TENM1: variants seen among roughly 807,000 people sequenced by gnomAD.
TENM1 encodes teneurin transmembrane protein 1.
A neutral mutation model predicts 174.8 loss-of-function variants in TENM1; 35 were observed. The observed-to-expected ratio is 0.20, with a 90% CI of 0.15 to 0.27. The LOEUF is 0.27. Among genes scored for constraint, TENM1 ranks in the 10% least tolerant of loss-of-function variants. The pLI, the probability that TENM1 is intolerant of heterozygous loss-of-function variation, is 1.00. For synonymous variants in TENM1, 781 were observed against 798.7 expected (o/e 0.98, Z 0.37); for missense variants, 1,633 against 2,130.1 (o/e 0.77, Z 4.59).
At chrX:124,554,095 C>G (rs759658325) in intron 14 of TENM1, among the ~76,000 whole-genome samples, 43 of 111,001 alleles carry the variant, frequency 3.9e-4, no homozygotes, top group African/African-American at 1.3e-3. Context: ...GGTGACAGAG[C>G]GAGACTCCAT....
At chrX:124,575,237 T>C (rs1489365065) in intron 11 of TENM1, among the ~76,000 whole-genome samples, 1 of 112,078 alleles carries the variant, frequency 8.9e-6, no homozygotes, top group African/African-American at 3.2e-5. Context: ...GGGATAAGTA[T>C]CACGTTTTCT....
chrX:124,924,276 C>T (rs2058062550), intron 1 of TENM1, among the ~76,000 whole-genome samples: 1 of 111,320 alleles, frequency 9.0e-6, no homozygotes, highest in Admixed American at 9.6e-5. Context: ...GTTATAATGC[C>T]CCATTTCTCA....
intron 26 of TENM1, among the ~76,000 whole-genome samples, chrX:124,405,630 A>G (rs970440430): frequency 4.5e-5 from 5 of 110,919 alleles, no homozygotes; most frequent in Admixed American, 1.9e-4. Context: ...GTGAAGTTCA[A>G]CGTAGCACCT....
At chrX:124,877,334 T>C (rs1352922377) in intron 3 of TENM1, among the ~76,000 whole-genome samples, 2 of 112,243 alleles carry the variant, frequency 1.8e-5, no homozygotes, top group Admixed American at 9.5e-5. Context: ...TGGTAAGTAA[T>C]GATATTCTGC....
At position 124,593,951 on chromosome X, in the gene TENM1, G is replaced by C. The variant is rs144320714; in HGVS notation, c.2078-28391C>G. 4.9e-3 allele frequency among the ~76,000 whole-genome samples: 548 copies of C among 112,319 alleles called. 2 individuals are homozygous for C. Among genetic ancestry groups the C allele is most frequent in the African/African-American group, 0.017 (511 of 30,927 alleles). ...TCTCTGGCCTGAGGCTAAAATGCTTGTGTGGCCACACTTCTAGGTTGCCAA... is the reference window on the plus strand; with the variant it reads ...TCTCTGGCCTGAGGCTAAAATGCTTCTGTGGCCACACTTCTAGGTTGCCAA... On this transcript the variant is annotated intron_variant, in intron 11 of 31. Coordinates refer to ENST00000422452, the Ensembl canonical transcript of TENM1.
chrX:124,725,469 T>G (rs1475938757), intron 4 of TENM1, among the ~76,000 whole-genome samples: 2 of 112,214 alleles, frequency 1.8e-5, no homozygotes, highest in African/African-American at 3.2e-5. Flanking sequence ...ATCACACCAA[T>G]TTTTTAAACA....
chrX:124,637,105 T>G (rs1444739784), intron 11 of TENM1, among the ~76,000 whole-genome samples: 2 of 108,993 alleles, frequency 1.8e-5, no homozygotes, highest in African/African-American at 6.7e-5. Context: ...TTTTTTTTTT[T>G]TGTGACGGAG....
chrX:124,938,471 T>C (rs1477233719), intron 1 of TENM1, among the ~76,000 whole-genome samples: 1 of 111,975 alleles, frequency 8.9e-6, no homozygotes, highest in Admixed American at 9.5e-5. Flanking sequence ...AAGCCTGTGA[T>C]ATGTGGAGAC....
the TENM1 span, among the ~76,000 whole-genome samples, chrX:125,122,833 T>A: frequency 1.5e-5 from 1 of 66,353 alleles, no homozygotes; most frequent in African/African-American, 4.1e-5. Flanking sequence ...GAAGGGTTAT[T>A]ATTTTTAATT....
intron 18 of TENM1, among the ~76,000 whole-genome samples, chrX:124,505,255 A>G (rs188464729): frequency 7.1e-5 from 8 of 112,460 alleles, no homozygotes; most frequent in African/African-American, 2.3e-4. Context: ...CAGCTGGTAA[A>G]GACTCATGAA....
the TENM1 span, among the ~76,000 whole-genome samples, chrX:125,016,921 CA>C: frequency 9.0e-6 from 1 of 111,503 alleles, no homozygotes; most frequent in Non-Finnish European, 1.9e-5. Context: ...ACATCTACAA[CA>C]ATCTGATCTT....
intron 5 of TENM1, among the ~76,000 whole-genome samples, chrX:124,686,307 C>A (rs139500630): frequency 0.014 from 1,540 of 111,475 alleles, 35 homozygotes; most frequent in African/African-American, 0.048. Flanking sequence ...CAAACAAAAG[C>A]TAAGGGAATT....
At chrX:124,989,663 A>G in the TENM1 span, among the ~76,000 whole-genome samples, 1 of 111,245 alleles carries the variant, frequency 9.0e-6, no homozygotes, top group East Asian at 2.8e-4. Flanking sequence ...GTGTAATAAA[A>G]GATAAATAGA....
intron 23 of TENM1, among the ~76,000 whole-genome samples, chrX:124,434,718 A>C (rs1346715162): frequency 6.2e-5 from 7 of 112,401 alleles, no homozygotes; most frequent in African/African-American, 2.3e-4. Context: ...CCAGTGTGAA[A>C]ACTACAGAAT....
chrX:124,860,313 A>G (rs928637149), intron 3 of TENM1, among the ~76,000 whole-genome samples: 1 of 111,859 alleles, frequency 8.9e-6, no homozygotes, highest in Non-Finnish European at 1.9e-5. Context: ...TCAAATGTAC[A>G]ATGGAAGAGA....
At chrX:125,134,928 A>G in the TENM1 span, among the ~76,000 whole-genome samples, 1 of 111,369 alleles carries the variant, frequency 9.0e-6, no homozygotes. Flanking sequence ...ACTCTAAACT[A>G]ACAGGGTGGT....
chrX:124,687,554 TGCAACAAAA>T (rs2052398116), intron 5 of TENM1, among the ~76,000 whole-genome samples: 1 of 111,942 alleles, frequency 8.9e-6, no homozygotes, highest in Admixed American at 9.5e-5. Context: ...CAAAAGCAAT[TGCAACAAAA>T]GCTAAAATTG....
At chrX:124,928,720 T>G (rs1202423306) in intron 1 of TENM1, among the ~76,000 whole-genome samples, 3 of 111,577 alleles carry the variant, frequency 2.7e-5, no homozygotes, top group Non-Finnish European at 3.8e-5. Context: ...AGGGTGAAAT[T>G]GAAGTTAAAT....
rs959447875 is a variant in TENM1, at chrX:124,595,143, G to A, written c.2078-29583C>T. Reference sequence around the variant, plus strand: ...TGGGAAGTTTCTTTGCAGAGTTTTTGTGCATCTCTGAGCCAATTACCACAA... The same window carrying A: ...TGGGAAGTTTCTTTGCAGAGTTTTTATGCATCTCTGAGCCAATTACCACAA... On this transcript the variant is annotated intron_variant, in intron 11 of 31. Coordinates refer to ENST00000422452, the Ensembl canonical transcript of TENM1. Among the ~76,000 whole-genome samples, 5 of 112,157 alleles carry A rather than the reference G, an allele frequency of 4.5e-5. No homozygotes were observed. In the East Asian group the frequency reaches 1.4e-3, roughly 31 times the overall value.
Sources: gnomAD v4.1 joint callset for allele counts (sites outside exome capture counted in the v4.1 genomes callset) on GRCh38, gnomAD v4.1.1 for gene constraint, MANE v1.5 for transcripts, NCBI Gene and HGNC (gene_info 2026-07-23, HGNC 2026-07-21) for gene names.